The following BICC1 variants were observed in gnomAD, a reference collection of about 807,000 sequenced individuals.
The protein encoded by BICC1 is BicC family RNA binding protein 1.
In BICC1, 43 loss-of-function variants were observed where a neutral mutation model predicts 111.0. The observed-to-expected ratio is 0.39, with a 90% CI of 0.30 to 0.50. BICC1 has a LOEUF of 0.50. BICC1 is among the 20% of genes least tolerant of loss of function. The pLI, the probability that BICC1 is intolerant of heterozygous loss-of-function variation, is 0.88. For missense variants in BICC1, 1,091 were observed against 1,203.2 expected (o/e 0.91, Z 1.38); for synonymous variants, 467 against 434.4 (o/e 1.07, Z -0.93).
chr10:58,676,186 A>G lies in BICC1; in HGVS notation c.238-25888A>G, dbSNP rs1041051340. Among the ~76,000 whole-genome samples the G allele has an allele frequency of 2.0e-5, 3 of 152,166 alleles. No individual in the cohort carries two copies. In the South Asian group the frequency reaches 6.2e-4, roughly 32 times the overall value. ...ACCAGGGCCCTGGGTTTCAAGCACA[A>G]AACTGGGTGGCTGTTTGGGCAGACA... On this transcript the variant is annotated intron_variant, in intron 2 of 20. Coordinates refer to ENST00000373886, the MANE Select transcript of BICC1 (RefSeq NM_001080512.3).
In BICC1 at chr10:58,730,887, G is replaced by A. The variant is rs1347976423; in HGVS notation, c.307+28744G>A. Among the ~76,000 whole-genome samples the A allele has an allele frequency of 2.0e-5, 3 of 152,088 alleles. No individual in the cohort carries two copies. The East Asian group carries it at 5.8e-4, about 30-fold the overall frequency. On this transcript the variant is annotated intron_variant, in intron 3 of 20. Transcript: ENST00000373886. ...CCAGGAAACCATTCAGCCCCCCTAG[G>A]CCTCCCTGCCTATGATGGGAGATTA...
chr10:58,794,871 T>C (rs956658185), intron 9 of BICC1, among the ~76,000 whole-genome samples: 1 of 152,232 alleles, frequency 6.6e-6, no homozygotes, highest in African/African-American at 2.4e-5. Flanking sequence ...CTGCAGTAGT[T>C]CTACTTCTGA....
chr10:58,535,842 A>C (rs975640006), intron 1 of BICC1, among the ~76,000 whole-genome samples: 1 of 151,596 alleles, frequency 6.6e-6, no homozygotes, highest in Non-Finnish European at 1.5e-5. Flanking sequence ...CACATCTAAC[A>C]CAAGGATTCT....
At chr10:58,703,518 A>G (rs548676351) in intron 3 of BICC1, among the ~76,000 whole-genome samples, 1 of 152,184 alleles carries the variant, frequency 6.6e-6, no homozygotes, top group Non-Finnish European at 1.5e-5. Flanking sequence ...TTATATGCTA[A>G]ATAATCATAA....
chr10:58,702,703 A>G (rs367811926), intron 3 of BICC1, among the ~76,000 whole-genome samples: 2 of 152,260 alleles, frequency 1.3e-5, no homozygotes, highest in Non-Finnish European at 2.9e-5. Context: ...AGGCCTCCCT[A>G]GTTTTCTCCC....
rs16912488 is a variant in BICC1 at position 58,668,376 on chromosome 10, T to C, written c.238-33698T>C. The stretch of plus-strand genomic sequence containing the variant: ...AAAAATCAATAAAGCTTAAAACTTA[T>C]ACTTTTCACTCAATTTTTTTTTCCA... On this transcript the variant is annotated intron_variant, in intron 2 of 20. Coordinates refer to ENST00000373886, the MANE Select transcript of BICC1 (RefSeq NM_001080512.3). Among the ~76,000 whole-genome samples, 630 of 152,240 alleles carry C rather than the reference T, an allele frequency of 4.1e-3. 6 individuals carry two copies. Among genetic ancestry groups the C allele is most frequent in the Middle Eastern group, 0.01 (3 of 294 alleles).
intron 3 of BICC1, among the ~76,000 whole-genome samples, chr10:58,745,336 A>G (rs753651874): frequency 2.0e-5 from 3 of 152,154 alleles, no homozygotes; most frequent in Non-Finnish European, 4.4e-5. Context: ...CAACTGTGAG[A>G]TGGGAATGAT....
At chr10:58,781,528 A>G (rs1842884084) in intron 3 of BICC1, among the ~76,000 whole-genome samples, 1 of 152,178 alleles carries the variant, frequency 6.6e-6, no homozygotes, top group East Asian at 1.9e-4. Context: ...CTTCAAAGCA[A>G]TTAATTTTGG....
intron 1 of BICC1, among the ~76,000 whole-genome samples, chr10:58,546,153 A>G (rs1446605521): frequency 1.3e-5 from 2 of 152,134 alleles, no homozygotes; most frequent in East Asian, 1.9e-4. Context: ...GTATTAGCTT[A>G]CAGATACTGT....
chr10:58,713,588 C>G (rs1014454816), intron 3 of BICC1, among the ~76,000 whole-genome samples: 4 of 152,126 alleles, frequency 2.6e-5, no homozygotes, highest in South Asian at 2.1e-4. Context: ...TTTCAAAATT[C>G]AAGACACGGT....
chr10:58,554,202 A>T (rs1036072824), intron 1 of BICC1, among the ~76,000 whole-genome samples: 4 of 152,162 alleles, frequency 2.6e-5, no homozygotes, highest in African/African-American at 7.2e-5. Flanking sequence ...AGTTAGGAAG[A>T]TCTGTGGTGG....
At chr10:58,823,598 TC>T in intron 20 of BICC1, 2 of 985,362 alleles carry the variant, frequency 2.0e-6, no homozygotes, top group South Asian at 4.7e-5. Flanking sequence ...AAAAACTTTG[TC>T]TTCATGGCCC....
intron 3 of BICC1, among the ~76,000 whole-genome samples, chr10:58,779,573 G>GTACT (rs1842831498): frequency 2.0e-5 from 3 of 152,166 alleles, no homozygotes; most frequent in Non-Finnish European, 2.9e-5. Context: ...TTATACCAAA[G>GTACT]AAATTTGCAT....
At chr10:58,730,712 A>G (rs370206999) in intron 3 of BICC1, among the ~76,000 whole-genome samples, 43 of 152,088 alleles carry the variant, frequency 2.8e-4, no homozygotes, top group African/African-American at 9.2e-4. Flanking sequence ...AACACAGTGT[A>G]GAAACCACCA....
Position 58,752,188 on chromosome 10 carries a change from C to T in BICC1, c.308-32813C>T, listed in dbSNP as rs114947688. On this transcript the variant is annotated intron_variant, in intron 3 of 20. Transcript: ENST00000373886. ...AATCTAAAGGATTTTTCACTGGCAC[C>T]GCAAAGTGTAAAAGAGCCTCACAGT... Among the ~76,000 whole-genome samples the T allele has an allele frequency of 1.6e-3, 251 of 152,150 alleles. 1 individual carries two copies. Among genetic ancestry groups the T allele is most frequent in the African/African-American group, 5.6e-3 (233 of 41,516 alleles).
chr10:58,722,777 G>A (rs944589613), intron 3 of BICC1, among the ~76,000 whole-genome samples: 14 of 152,168 alleles, frequency 9.2e-5, no homozygotes, highest in African/African-American at 3.4e-4. Context: ...GGGTTGAGGT[G>A]AAATAAGTTT....
At chr10:58,659,336 G>T (rs967632866) in intron 2 of BICC1, among the ~76,000 whole-genome samples, 1 of 152,120 alleles carries the variant, frequency 6.6e-6, no homozygotes, top group African/African-American at 2.4e-5. Context: ...CAACCTAAAT[G>T]TCCATCAATG....
intron 15 of BICC1, among the ~76,000 whole-genome samples, chr10:58,805,849 A>G (rs1298460746): frequency 2.0e-5 from 3 of 152,190 alleles, no homozygotes; most frequent in Admixed American, 2.0e-4. Flanking sequence ...CTCAGAAAAG[A>G]TTTGAAATGT....
intron 2 of BICC1, 78 bp downstream of exon 2, chr10:58,620,979 C>A: frequency 8.0e-7 from 1 of 1,243,604 alleles, no homozygotes; most frequent in South Asian, 1.3e-5. Context: ...TAGAAGCCAC[C>A]GAACGCTCCC....
Sources: gnomAD v4.1 joint callset for allele counts (sites outside exome capture counted in the v4.1 genomes callset) on GRCh38, gnomAD v4.1.1 for gene constraint, MANE v1.5 for transcripts, NCBI Gene and HGNC (gene_info 2026-07-23, HGNC 2026-07-21) for gene names.